PTPRG: variants seen among roughly 807,000 people sequenced by gnomAD.
The protein encoded by PTPRG is receptor-type tyrosine-protein phosphatase gamma.
Under a neutral mutation model 165.3 loss-of-function variants are expected in PTPRG, and 102 were observed. That is an observed-to-expected ratio of 0.62 (90% CI 0.53 to 0.73). PTPRG has a LOEUF of 0.73. PTPRG is among the 30% of genes least tolerant of loss of function. The pLI is 0.00. For synonymous variants in PTPRG, 675 were observed against 669.5 expected (o/e 1.01, Z -0.13); for missense variants, 1,866 against 1,861.4 (o/e 1.00, Z -0.05).
At chr3:62,137,448 G>C (rs1278046198) in intron 6 of PTPRG, among the ~76,000 whole-genome samples, 1 of 152,154 alleles carries the variant, frequency 6.6e-6, no homozygotes, top group Non-Finnish European at 1.5e-5. Context: ...AGCCCAATTT[G>C]TTCAACTTTT....
chr3:61,662,793 G>C (rs1702701723), intron 1 of PTPRG, among the ~76,000 whole-genome samples: 1 of 152,156 alleles, frequency 6.6e-6, no homozygotes, highest in African/African-American at 2.4e-5. Context: ...CAACAAGGAA[G>C]ATCTGTTCCA....
chr3:62,194,125 T>C (rs1699903346), intron 9 of PTPRG, among the ~76,000 whole-genome samples: 1 of 152,192 alleles, frequency 6.6e-6, no homozygotes, highest in Admixed American at 6.5e-5. Context: ...GCATAACTAC[T>C]CAACTCTGCC....
intron 4 of PTPRG, among the ~76,000 whole-genome samples, chr3:62,076,817 G>A (rs1360012615): frequency 3.3e-5 from 5 of 152,128 alleles, no homozygotes; most frequent in African/African-American, 1.2e-4. Context: ...CCGACCTCAG[G>A]TGACCTGCCC....
chr3:62,037,931 C>T (rs1342698154), intron 4 of PTPRG, among the ~76,000 whole-genome samples: 2 of 152,164 alleles, frequency 1.3e-5, no homozygotes, highest in African/African-American at 4.8e-5. Context: ...CTTCAAATAT[C>T]ATCACACTGA....
At chr3:61,815,071 G>A (rs577950866) in intron 2 of PTPRG, among the ~76,000 whole-genome samples, 13 of 151,962 alleles carry the variant, frequency 8.6e-5, no homozygotes, top group Non-Finnish European at 1.2e-4. Flanking sequence ...GTTAGTGGCT[G>A]CTGCTTTCTC....
rs117598454 is a variant in PTPRG, at chr3:61,680,874, A to G, written c.86-68004A>G. 1.3e-4 allele frequency among the ~76,000 whole-genome samples: 16 copies of G among 127,610 alleles called. 2 individuals are homozygous for G. In the East Asian group the frequency reaches 2.7e-3, roughly 21 times the overall value. The allele number at this position is 127,610 out of a possible 152,430, so 83.7% of individuals were successfully genotyped here. The stretch of plus-strand genomic sequence containing the variant: ...TGGGTGTTGGGAACCTGTATATGGC[A>G]TATGCCATGTGCACAGTGGGATGTG... On this transcript the variant is annotated intron_variant, in intron 1 of 29. Coordinates refer to ENST00000474889, the MANE Select transcript of PTPRG (RefSeq NM_002841.4).
At chr3:62,275,829 A>G in intron 23 of PTPRG, 44 bp from the exon 24 acceptor site, 1 of 1,425,460 alleles carries the variant, frequency 7.0e-7, no homozygotes, top group Non-Finnish European at 9.7e-7. Context: ...AAATGCTATC[A>G]ATTATATCTT....
intron 2 of PTPRG, among the ~76,000 whole-genome samples, chr3:61,955,304 GC>G (rs1559711584): frequency 6.6e-6 from 1 of 151,746 alleles, no homozygotes; most frequent in Non-Finnish European, 1.5e-5. Flanking sequence ...TTTCTCTTAC[GC>G]GAAGTAAATG....
chr3:61,946,240 A>G (rs554471157), intron 2 of PTPRG, among the ~76,000 whole-genome samples: 4 of 152,204 alleles, frequency 2.6e-5, no homozygotes, highest in African/African-American at 9.6e-5. Flanking sequence ...AAAATTTTCT[A>G]TCAAATGTGT....
intron 1 of PTPRG, among the ~76,000 whole-genome samples, chr3:61,695,539 C>T (rs991111866): frequency 2.6e-5 from 4 of 152,212 alleles, no homozygotes; most frequent in African/African-American, 9.7e-5. Context: ...CCCTTTCTAC[C>T]TCTGATATCC....
At chr3:61,956,687 A>C (rs1575821998) in intron 2 of PTPRG, among the ~76,000 whole-genome samples, 1 of 152,344 alleles carries the variant, frequency 6.6e-6, no homozygotes, top group East Asian at 1.9e-4. Flanking sequence ...ATTAAAATGA[A>C]AGACTATACT....
chr3:61,782,552 T>C lies in PTPRG; in HGVS notation c.190+33570T>C, dbSNP rs971449793. On this transcript the variant is annotated intron_variant, in intron 2 of 29. Coordinates refer to ENST00000474889, the MANE Select transcript of PTPRG (RefSeq NM_002841.4). The stretch of plus-strand genomic sequence containing the variant: ...GTCATGTGTATAAAGACGTCTGGTG[T>C]ACAGCTAAACAAAAGTGCTAGGTGA... 2.6e-5 allele frequency among the ~76,000 whole-genome samples: 4 copies of C among 152,230 alleles called. No individual in the cohort carries two copies. The East Asian group carries it at 7.7e-4, about 29-fold the overall frequency.
At chr3:61,566,600 C>T (rs1400093036) in intron 1 of PTPRG, among the ~76,000 whole-genome samples, 1 of 152,152 alleles carries the variant, frequency 6.6e-6, no homozygotes, top group Non-Finnish European at 1.5e-5. Flanking sequence ...CTCTACTTCC[C>T]AGGTTCAAGC....
intron 1 of PTPRG, among the ~76,000 whole-genome samples, chr3:61,622,369 G>A (rs1186008257): frequency 1.3e-5 from 2 of 152,106 alleles, no homozygotes; most frequent in African/African-American, 4.8e-5. Context: ...TTTGCTATTT[G>A]TAATTAGTGC....
Position 61,984,527 on chromosome 3 carries a change from A to T in PTPRG, c.191-5098A>T, listed in dbSNP as rs73839624. Among the ~76,000 whole-genome samples, 547 of 152,170 alleles carry T rather than the reference A, an allele frequency of 3.6e-3. 2 individuals are homozygous for T. Among genetic ancestry groups the T allele is most frequent in the African/African-American group, 0.013 (526 of 41,516 alleles). On this transcript the variant is annotated intron_variant, in intron 2 of 29. Transcript: ENST00000474889. ...AGTGCATACCAGTAAATCCAGTAAA[A>T]CCTGGTTAGTAAAATTTAACTTATT...
intron 1 of PTPRG, among the ~76,000 whole-genome samples, chr3:61,748,162 C>T (rs79670113): frequency 0.021 from 3,199 of 152,278 alleles, 59 homozygotes; most frequent in Non-Finnish European, 0.031. Context: ...TTTCTTGTTT[C>T]ATATCTTCTG....
rs570326112 is a variant in PTPRG at position 61,841,335 on chromosome 3, C to T, written c.190+92353C>T. Reference sequence around the variant, plus strand: ...AGTTAAAGCGAGGCGGCCAGGTGCACTCTCTAGGTGGAGAAATTAAGAGCC... The same window carrying T: ...AGTTAAAGCGAGGCGGCCAGGTGCATTCTCTAGGTGGAGAAATTAAGAGCC... On this transcript the variant is annotated intron_variant, in intron 2 of 29. Coordinates refer to ENST00000474889, the MANE Select transcript of PTPRG (RefSeq NM_002841.4). Among the ~76,000 whole-genome samples the T allele has an allele frequency of 2.0e-5, 3 of 152,286 alleles. No homozygotes were observed. In the South Asian group the frequency reaches 6.2e-4, roughly 32 times the overall value.
chr3:61,853,431 C>A (rs2037020807), intron 2 of PTPRG, among the ~76,000 whole-genome samples: 1 of 152,154 alleles, frequency 6.6e-6, no homozygotes, highest in Non-Finnish European at 1.5e-5. Flanking sequence ...AAGCTCACTC[C>A]AATATCATTA....
chr3:61,826,848 T>TCC (rs1553676833), intron 2 of PTPRG, among the ~76,000 whole-genome samples: 4 of 151,106 alleles, frequency 2.6e-5, no homozygotes, highest in Non-Finnish European at 5.9e-5. Context: ...TTTTTTTTTT[T>TCC]CCGATTATGT....
Sources: gnomAD v4.1 joint callset for allele counts (sites outside exome capture counted in the v4.1 genomes callset) on GRCh38, gnomAD v4.1.1 for gene constraint, MANE v1.5 for transcripts, NCBI Gene and HGNC (gene_info 2026-07-23, HGNC 2026-07-21) for gene names.